Variants in GLTP observed in about 807,000 individuals in gnomAD.
GLTP encodes the protein glycolipid transfer protein.
GLTP carries 22 observed loss-of-function variants against 24.0 expected under a neutral mutation model. That is an observed-to-expected ratio of 0.92 (90% confidence interval 0.65 to 1.31). The LOEUF is 1.31. Ranked by LOEUF, GLTP falls within the 50% of genes most tolerant of loss-of-function variation. The pLI, the probability that GLTP is intolerant of heterozygous loss-of-function variation, is 0.00. For missense variants in GLTP, 224 were observed against 276.6 expected, an observed-to-expected ratio of 0.81 and a Z score of 1.35; for synonymous variants, 92 against 115.9, an observed-to-expected ratio of 0.79 and a Z score of 1.33.
intron 1 of GLTP, among the ~76,000 whole-genome samples, chr12:109,873,358 G>GGC (rs1868786157): frequency 6.6e-6 from 1 of 152,136 alleles, no homozygotes; most frequent in African/African-American, 2.4e-5. Context: ...GCTGAGGCTG[G>GGC]GCGCGGTAGC....
intron 1 of GLTP, among the ~76,000 whole-genome samples, chr12:109,861,178 A>T (rs970727785): frequency 2.6e-4 from 40 of 152,034 alleles, no homozygotes; most frequent in Non-Finnish European, 8.8e-5. Context: ...GCCAAATTCC[A>T]CCCAGGGTGA....
intron 1 of GLTP, chr12:109,859,921 T>C (rs1045619873): frequency 1.3e-5 from 2 of 152,258 alleles, no homozygotes; most frequent in African/African-American, 4.8e-5. Context: ...GCAAAAGTAA[T>C]TGCAGTTTTT....
chr12:109,870,085 T>A (rs1307091602), intron 1 of GLTP, among the ~76,000 whole-genome samples: 1 of 152,084 alleles, frequency 6.6e-6, no homozygotes, highest in Non-Finnish European at 1.5e-5. Flanking sequence ...TGGACCCTTC[T>A]TCAAAGGGTT....
At chr12:109,859,671 A>T (rs1010137284) in intron 1 of GLTP, 4 of 151,480 alleles carry the variant, frequency 2.6e-5, no homozygotes, top group Non-Finnish European at 5.9e-5. Flanking sequence ...GATATAAAGA[A>T]TTTTTTTCTA....
chr12:109,880,158 G>A lies in GLTP; in HGVS notation c.103+114C>T. 2 of 616,916 alleles carry A rather than the reference G, an allele frequency of 3.2e-6. No homozygotes were observed. The highest frequency in any genetic ancestry group is 5.7e-6 in the Non-Finnish European group (2 of 348,112). 38.2% of individuals were successfully genotyped at this position (616,916 alleles called of 1,614,324 possible). On this transcript the variant is annotated intron_variant, in intron 1 of 4. Transcript: ENST00000318348. This position sits in a 1 kb window ranked among gnomAD's most constrained non-coding sequence, Gnocchi z 5.1. Reference sequence around the variant, plus strand: ...AGGGAAAGAGGATCTTGGGTGCCTGGGGAAACAGTACTTAGGGGTGTCTAG... The same window carrying A: ...AGGGAAAGAGGATCTTGGGTGCCTGAGGAAACAGTACTTAGGGGTGTCTAG...
At chr12:109,869,314 A>AAAT (rs1868641619) in intron 1 of GLTP, among the ~76,000 whole-genome samples, 1 of 148,304 alleles carries the variant, frequency 6.7e-6, no homozygotes, top group African/African-American at 2.5e-5. Context: ...AAAAAAAAAA[A>AAAT]AAAAAAGAAA....
At chr12:109,860,394 G>A (rs929579861) in intron 1 of GLTP, 8 of 214,128 alleles carry the variant, frequency 3.7e-5, no homozygotes, top group Non-Finnish European at 8.0e-5. Context: ...ATTTGTTCTC[G>A]CCATTGTCTT....
At chr12:109,865,569 A>G (rs925975657) in intron 1 of GLTP, among the ~76,000 whole-genome samples, 3 of 151,804 alleles carry the variant, frequency 2.0e-5, no homozygotes, top group Admixed American at 6.6e-5. Context: ...CGGAGGTTAC[A>G]GTGAGTTGAG....
chr12:109,869,493 G>C (rs954998564), intron 1 of GLTP, among the ~76,000 whole-genome samples: 1 of 123,086 alleles, frequency 8.1e-6, no homozygotes, highest in Non-Finnish European at 1.6e-5. Flanking sequence ...GTCTCACTCT[G>C]TCGCCAGGCT....
Position 109,852,609 on chromosome 12 carries a change from A to C in GLTP, c.576T>G (p.Asp192Glu), listed in dbSNP as rs1351602093. 1 of 1,608,412 alleles carries C rather than the reference A, an allele frequency of 6.2e-7. No homozygotes were observed. Among genetic ancestry groups the C allele is most frequent in the African/African-American group, 1.3e-5 (1 of 74,676 alleles). Residue 192 changes from aspartate to glutamate, a missense_variant, in exon 5 of 5, where the codon GAT (aspartate) becomes GAG (glutamate). Transcript: ENST00000318348. ...LFLVNYTATI[D>E]VIYEMYTQMN... The stretch of plus-strand genomic sequence containing the variant: ...TCTGGGTGTACATCTCGTAGATGAC[A>C]TCGATGGTCGCCGTGTAGTTGACTA...
At chr12:109,852,996 G>T (rs1892747240) in intron 4 of GLTP, among the ~76,000 whole-genome samples, 2 of 152,234 alleles carry the variant, frequency 1.3e-5, no homozygotes, top group African/African-American at 4.8e-5. Context: ...GAGCAAGTCA[G>T]TTAGCCTCTC....
intron 1 of GLTP, among the ~76,000 whole-genome samples, chr12:109,876,305 T>C (rs1868876251): frequency 6.6e-6 from 1 of 152,130 alleles, no homozygotes; most frequent in Non-Finnish European, 1.5e-5. Context: ...ATCATGCCAC[T>C]GCACTCCAGC....
At chr12:109,871,637 T>C (rs1164534893) in intron 1 of GLTP, among the ~76,000 whole-genome samples, 2 of 152,230 alleles carry the variant, frequency 1.3e-5, no homozygotes, top group African/African-American at 2.4e-5. Context: ...TGGTTTCCTC[T>C]TCTGGAAAAT....
chr12:109,855,677 TTGG>T lies in GLTP; in HGVS notation c.386_388del (p.Thr129del). ...CTTCTTGAGGGCCATCTCGTAGGCCTTGGTGGCGTTGACACGGATGAGGTTGGG... is the reference window on the plus strand; with the variant it reads ...CTTCTTGAGGGCCATCTCGTAGGCCTTGGCGTTGACACGGATGAGGTTGGG... On this transcript the variant is annotated inframe_deletion, in exon 4 of 5. Transcript: ENST00000318348. This position sits in a 1 kb window ranked among gnomAD's most constrained non-coding sequence, Gnocchi z 4.1. 1 of 1,606,868 alleles carries T rather than the reference TTGG, an allele frequency of 6.2e-7. No homozygotes were observed. The highest frequency in any genetic ancestry group is 8.5e-7 in the Non-Finnish European group (1 of 1,176,918).
chr12:109,858,514 G>T (rs1387057575), intron 2 of GLTP, among the ~76,000 whole-genome samples, 169 bp downstream of exon 2: 1 of 152,224 alleles, frequency 6.6e-6, no homozygotes, highest in Non-Finnish European at 1.5e-5. Flanking sequence ...TGTGGAGGAG[G>T]GCAGAGAACA....
chr12:109,855,470 A>G lies in GLTP; in HGVS notation c.447+149T>C, dbSNP rs962560320. The G allele has an allele frequency of 6.7e-5, 41 of 615,494 alleles. No homozygotes were observed. In the Admixed American group the frequency reaches 8.0e-4, roughly 12 times the overall value. 38.1% of individuals were successfully genotyped at this position (615,494 alleles called of 1,614,324 possible). On this transcript the variant is annotated intron_variant, in intron 4 of 4. Coordinates refer to ENST00000318348, the MANE Select transcript of GLTP (RefSeq NM_016433.4). This position sits in a 1 kb window ranked among gnomAD's most constrained non-coding sequence, Gnocchi z 4.1. ...CGGGAGGGGGACCTCTCAGTACACTAGCCTCACCCAAATAGATGAGGGAGC... is the reference window on the plus strand; with the variant it reads ...CGGGAGGGGGACCTCTCAGTACACTGGCCTCACCCAAATAGATGAGGGAGC...
chr12:109,856,893 G>C (rs763761982), intron 3 of GLTP, among the ~76,000 whole-genome samples: 3 of 152,152 alleles, frequency 2.0e-5, no homozygotes, highest in African/African-American at 4.8e-5. Context: ...AATTAGCCAG[G>C]CATGGTGGTG....
At chr12:109,858,093 G>A (rs1490494052) in intron 2 of GLTP, 4 of 458,536 alleles carry the variant, frequency 8.7e-6, no homozygotes, top group Non-Finnish European at 8.7e-6. Flanking sequence ...AGGCCTCTGA[G>A]ATGGAGCCAG....
chr12:109,852,489 G>A lies in GLTP; in HGVS notation c.*66C>T. 2 of 1,035,522 alleles carry A rather than the reference G, an allele frequency of 1.9e-6. No homozygotes were observed. Among genetic ancestry groups the A allele is most frequent in the South Asian group, 2.8e-5 (2 of 70,994 alleles). The allele number at this position is 1,035,522 out of a possible 1,614,324, so 64.1% of individuals were successfully genotyped here. A position where few individuals can be genotyped will look rare whatever the true frequency, so the allele number is the denominator to read the frequency against. ...GGGCAGTTCACCGACTTGATTCACAGTGATTCTGGTTTGCCTGTTTCTCCA... is the reference window on the plus strand; with the variant it reads ...GGGCAGTTCACCGACTTGATTCACAATGATTCTGGTTTGCCTGTTTCTCCA... On this transcript the variant is annotated 3_prime_UTR_variant, in exon 5 of 5. Coordinates refer to ENST00000318348, the MANE Select transcript of GLTP (RefSeq NM_016433.4).
Sources: allele counts gnomAD v4.1 joint callset (sites outside exome capture counted in the v4.1 genomes callset), GRCh38; gene constraint gnomAD v4.1.1; non-coding constraint Gnocchi (gnomAD v3.1); transcripts MANE v1.5; gene names NCBI Gene and HGNC (gene_info 2026-07-23, HGNC 2026-07-21).